DPH1: variants seen among roughly 807,000 people sequenced by gnomAD.
The protein encoded by DPH1 is 2-(3-amino-3-carboxypropyl)histidine synthase subunit 1.
A neutral mutation model predicts 55.3 loss-of-function variants in DPH1; 59 were observed. The ratio of observed to expected loss-of-function variants is 1.07; its 90% confidence interval spans 0.87 to 1.33. DPH1 has a LOEUF of 1.33. Among genes scored for constraint, DPH1 ranks in the 40% most tolerant of loss-of-function variants. The pLI is 0.00. For missense variants in DPH1, 628 were observed against 584.8 expected (o/e 1.07, Z -0.76); for synonymous variants, 238 against 235.5 (o/e 1.01, Z -0.10).
rs1294206597 is a variant in DPH1 at position 2,041,584 on chromosome 17, G to A, written c.1190G>A (p.Arg397His). The A allele has an allele frequency of 1.9e-6, 3 of 1,609,860 alleles. No individual in the cohort carries two copies. The highest frequency in any genetic ancestry group is 1.1e-5 in the South Asian group (1 of 90,918). The stretch of plus-strand genomic sequence containing the variant: ...TGGACGGTGAACCACGGCCAGGACC[G>A]CCGTCCCCACGCCCCGGGCCGGCCC... ...GPWTVNHGQD[R>H]RPHAPGRPAR... is the part of the protein sequence containing the mutation. Residue 397 changes from arginine to histidine, a missense_variant, in exon 11 of 13, where the codon CGC becomes CAC. Transcript: ENST00000263083.
Position 2,040,594 on chromosome 17 carries a change from T to C in DPH1, c.996T>C (p.Pro332=), listed in dbSNP as rs2236375. Residue 332 remains proline, a synonymous_variant, in exon 9 of 13, where the codon CCT becomes CCC. Transcript: ENST00000263083. ...TCCCCAGCAAGCTTAGCCTACTTCC[T>C]GAGGTGGATGTGTGAGTATCTGCCT... ...EIFPSKLSLL[P]EVDVWVQVAC... 1,255,254 of 1,613,880 alleles carry C rather than the reference T, an allele frequency of 0.78. 489,700 individuals carry two copies. The highest frequency in any genetic ancestry group is 0.94 in the East Asian group (42,106 of 44,886).
In DPH1 at chr17:2,041,524, C is replaced by A. The variant is rs567642658; in HGVS notation, c.1130C>A (p.Pro377Gln). The A allele has an allele frequency of 1.9e-6, 3 of 1,612,932 alleles. No individual in the cohort carries two copies. The highest frequency in any genetic ancestry group is 1.7e-5 in the Admixed American group (1 of 59,906). ...LRDISWQQPY[P>Q]MDFYAGSSLG... is the part of the protein sequence containing the mutation. The stretch of plus-strand genomic sequence containing the variant: ...GACATTTCCTGGCAGCAGCCCTACC[C>A]GATGGACTTCTACGCTGGCAGCTCC... Residue 377 changes from proline to glutamine, a missense_variant, in exon 11 of 13, where the codon CCG becomes CAG. Pro to Gln is a moderately conservative substitution (Grantham distance 76). Coordinates refer to ENST00000263083, the MANE Select transcript of DPH1 (RefSeq NM_001383.6).
At chr17:2,032,731 G>C (rs2067347171) in intron 1 of DPH1, among the ~76,000 whole-genome samples, 1 of 152,154 alleles carries the variant, frequency 6.6e-6, no homozygotes, top group African/African-American at 2.4e-5. Flanking sequence ...TACAAGCAAA[G>C]GGTTTTTATT....
rs1243263031 is a variant in DPH1 at position 2,042,761 on chromosome 17, G to A, written c.*175G>A. On this transcript the variant is annotated 3_prime_UTR_variant, in exon 13 of 13. Coordinates refer to ENST00000263083, the MANE Select transcript of DPH1 (RefSeq NM_001383.6). ...CTGAACAGGCTGGGGCCTTTTGACG[G>A]CCTTCTTGGTTTCAGCCAAGGGGCT... is the stretch of plus-strand genomic sequence containing the variant. The A allele has an allele frequency of 1.1e-5, 17 of 1,607,584 alleles. No individual in the cohort carries two copies. The highest frequency in any genetic ancestry group is 3.3e-4 in the Middle Eastern group (2 of 6,010).
At chr17:2,040,856 T>C (rs2067507732) in intron 9 of DPH1, 1 of 625,698 alleles carries the variant, frequency 1.6e-6, no homozygotes, top group Non-Finnish European at 2.8e-6. Context: ...CTGTACCAGG[T>C]ACTAAATGTG....
In DPH1 at chr17:2,042,844, C is replaced by T; in HGVS notation, c.*258C>T. On this transcript the variant is annotated 3_prime_UTR_variant, in exon 13 of 13. Coordinates refer to ENST00000263083, the MANE Select transcript of DPH1 (RefSeq NM_001383.6). ...GGCAGGCGATCCCCGCTTCCCCTTG[C>T]CACGGTTTATCCTCTTGGTGTCTGG... is the stretch of plus-strand genomic sequence containing the variant. 1.2e-6 allele frequency: 2 copies of T among 1,614,160 alleles called. No individual in the cohort carries two copies. The highest frequency in any genetic ancestry group is 3.3e-5 in the Admixed American group (2 of 60,026).
At position 2,035,957 on chromosome 17, in the gene DPH1, CCT is replaced by C. The variant is rs774075418; in HGVS notation, c.279-12_279-11del. 126 of 1,613,626 alleles carry C rather than the reference CCT, an allele frequency of 7.8e-5. No individual in the cohort carries two copies. In the East Asian group the frequency reaches 2.4e-3, roughly 31 times the overall value. ...TGTCCCTGTCCCACCGTTCCCCGCC[CCT>C]GTGCCCGCAGGTTCACGGAGGCCGA... On this transcript the variant is annotated splice_polypyrimidine_tract_variant and intron_variant, in intron 3 of 12. Transcript: ENST00000263083.
In DPH1 at chr17:2,042,150, G is replaced by T. The variant is rs371008735; in HGVS notation, c.*18+275G>T. ...CGGGGCGCTGAGGAAGGCGCTGCGG[G>T]GTCGCGCCGAGCTCGTGTGCCTCAG... On this transcript the variant is annotated intron_variant, in intron 12 of 12. Coordinates refer to ENST00000263083, the MANE Select transcript of DPH1 (RefSeq NM_001383.6). The T allele has an allele frequency of 1.1e-5, 16 of 1,518,698 alleles. No homozygotes were observed. In the African/African-American group the frequency reaches 2.0e-4, roughly 19 times the overall value. The allele number at this position is 1,518,698 out of a possible 1,614,324, so 94.1% of individuals were successfully genotyped here.
In DPH1 at chr17:2,043,258, G is replaced by A; in HGVS notation, c.*672G>A. On this transcript the variant is annotated 3_prime_UTR_variant, in exon 13 of 13. Coordinates refer to ENST00000263083, the MANE Select transcript of DPH1 (RefSeq NM_001383.6). ...TCAATTCTTGAGACCCAAATTATAA[G>A]GGCCCTGCCCTGTACTGAAGAAAAG... The A allele has an allele frequency of 1.1e-6, 1 of 938,328 alleles. No homozygotes were observed. The highest frequency in any genetic ancestry group is 1.7e-5 in the South Asian group (1 of 59,710). 58.1% of individuals were successfully genotyped at this position (938,328 alleles called of 1,614,324 possible). A position where few individuals can be genotyped will look rare whatever the true frequency, so the allele number is the denominator to read the frequency against.
Position 2,036,216 on chromosome 17 carries a change from G to A in DPH1, c.400+125G>A. The A allele has an allele frequency of 6.8e-7, 1 of 1,463,556 alleles. No homozygotes were observed. The highest frequency in any genetic ancestry group is 1.4e-5 in the South Asian group (1 of 73,498). The allele number at this position is 1,463,556 out of a possible 1,614,324, so 90.7% of individuals were successfully genotyped here. On this transcript the variant is annotated intron_variant, in intron 4 of 12. Coordinates refer to ENST00000263083, the MANE Select transcript of DPH1 (RefSeq NM_001383.6). This position sits in a 1 kb window ranked among gnomAD's most constrained non-coding sequence, Gnocchi z 4.8. ...GACACAAGGTCCCTCCTGGTTTCTG[G>A]GGTGGCCTCTGCCTTCCCGCTCTGC... is the stretch of plus-strand genomic sequence containing the variant.
At chr17:2,040,444 C>T (rs2067499242) in intron 8 of DPH1, 61 bp from the exon 9 acceptor site, 2 of 1,613,590 alleles carry the variant, frequency 1.2e-6, no homozygotes, top group South Asian at 1.1e-5. Flanking sequence ...ACCAGTAGGC[C>T]ACAGGTTCAG....
chr17:2,041,559 T>C lies in DPH1; in HGVS notation c.1165T>C (p.Trp389Arg). The change falls in exon 11 of 13, where the codon TGG becomes CGG. Residue 389 changes from tryptophan (W) to arginine (R), a missense_variant. Physicochemically the swap from Trp to Arg is moderately radical, Grantham distance 101. Coordinates refer to ENST00000263083, the MANE Select transcript of DPH1 (RefSeq NM_001383.6). The part of the protein sequence containing the change: ...DFYAGSSLGP[W>R]TVNHGQDRRP... ...CTACGCTGGCAGCTCCTTGGGGCCC[T>C]GGACGGTGAACCACGGCCAGGACCG... is the stretch of plus-strand genomic sequence containing the variant. 1 of 1,611,970 alleles carries C rather than the reference T, an allele frequency of 6.2e-7. No homozygotes were observed. Among genetic ancestry groups the C allele is most frequent in the Non-Finnish European group, 8.5e-7 (1 of 1,179,372 alleles).
At chr17:2,037,047 A>G in intron 6 of DPH1, 91 bp downstream of exon 6, 1 of 1,520,014 alleles carries the variant, frequency 6.6e-7, no homozygotes, top group Non-Finnish European at 8.8e-7. Flanking sequence ...AAGAAACCAA[A>G]TCTAATGCTC....
chr17:2,043,103 G>A lies in DPH1; in HGVS notation c.*517G>A, dbSNP rs1307656470. 6.2e-7 allele frequency: 1 copy of A among 1,611,906 alleles called. No homozygotes were observed. Among genetic ancestry groups the A allele is most frequent in the African/African-American group, 1.3e-5 (1 of 74,890 alleles). ...AAGTTCTTGGACCAGTTTGCAGAGT[G>A]AAAGATCAAGAAATGTCTCTGCTCC... On this transcript the variant is annotated 3_prime_UTR_variant, in exon 13 of 13. Transcript: ENST00000263083.
In DPH1 at chr17:2,041,788, T is replaced by C. The variant is rs1290571999; in HGVS notation, c.1248T>C (p.Arg416=). The C allele has an allele frequency of 6.2e-7, 1 of 1,604,810 alleles. No homozygotes were observed. Among genetic ancestry groups the C allele is most frequent in the Admixed American group, 1.7e-5 (1 of 59,060 alleles). ...CTCAGGTGCAGGAGGGGTCCGCGCG[T>C]CCCCCTTCGGCCGTGGCTTGCGAGG... ...ARGKVQEGSA[R]PPSAVACEDC... Residue 416 remains arginine (R), a synonymous_variant, in exon 12 of 13, where the codon CGT becomes CGC. Transcript: ENST00000263083.
chr17:2,031,013 G>A (rs910589397), intron 1 of DPH1, among the ~76,000 whole-genome samples: 2 of 152,358 alleles, frequency 1.3e-5, no homozygotes, highest in African/African-American at 4.8e-5. Flanking sequence ...GGCCCTAGCA[G>A]AAGTTGTGGC....
rs2067577999 is a variant in DPH1, at chr17:2,043,167, G to A, written c.*581G>A. On this transcript the variant is annotated 3_prime_UTR_variant, in exon 13 of 13. Transcript: ENST00000263083. Reference sequence around the variant, plus strand: ...TCTAGGGGCAGCCTCCGTCATCCATGCCCTCCCAGGACCCTCCACTCACTG... The same window carrying A: ...TCTAGGGGCAGCCTCCGTCATCCATACCCTCCCAGGACCCTCCACTCACTG... 1 of 1,550,620 alleles carries A rather than the reference G, an allele frequency of 6.4e-7. No homozygotes were observed. The highest frequency in any genetic ancestry group is 1.2e-5 in the South Asian group (1 of 84,020).
Position 2,036,598 on chromosome 17 carries a change from C to T in DPH1, c.470C>T (p.Thr157Ile), listed in dbSNP as rs116911386. The change falls in exon 5 of 13, where the codon ACA (threonine) becomes ATA (isoleucine). Residue 157 changes from threonine to isoleucine, a missense_variant. Physicochemically the swap from Thr to Ile is moderately conservative, Grantham distance 89. Coordinates refer to ENST00000263083, the MANE Select transcript of DPH1 (RefSeq NM_001383.6). The surrounding 1 kb of genome is among the most constrained non-coding windows in gnomAD (Gnocchi z 4.8). Reference sequence around the variant, plus strand: ...TTTGTGGACATCCGGATAGACACTACACACCTCCTGGACTCTCTCCGCCTC... The same window carrying T: ...TTTGTGGACATCCGGATAGACACTATACACCTCCTGGACTCTCTCCGCCTC... The part of the protein sequence containing the change: ...YVFVDIRIDT[T>I]HLLDSLRLTF... The T allele has an allele frequency of 6.6e-3, 10,699 of 1,614,134 alleles. 51 individuals carry two copies. The highest frequency in any genetic ancestry group is 0.011 in the Middle Eastern group (65 of 6,062).
chr17:2,042,597 CGCTGTAGGGTCCT>C lies in DPH1; in HGVS notation c.*19-5_*26del. On this transcript the variant is annotated splice_acceptor_variant and splice_polypyrimidine_tract_variant and 3_prime_UTR_variant and intron_variant, in exon 13 of 13. Transcript: ENST00000263083. LOFTEE classifies it low-confidence loss of function (3UTR_SPLICE). ...CTAATCCCATCCTTTTTCCTCATAT[CGCTGTAGGGTCCT>C]GCCCTCCGGAGGAGCAGCCTCGAGG... 1 of 1,510,462 alleles carries C rather than the reference CGCTGTAGGGTCCT, an allele frequency of 6.6e-7. No homozygotes were observed. Among genetic ancestry groups the C allele is most frequent in the Non-Finnish European group, 8.8e-7 (1 of 1,131,382 alleles). The allele number at this position is 1,510,462 out of a possible 1,614,324, so 93.6% of individuals were successfully genotyped here.
Sources: allele counts gnomAD v4.1 joint callset (sites outside exome capture counted in the v4.1 genomes callset), GRCh38; gene constraint gnomAD v4.1.1; non-coding constraint Gnocchi (gnomAD v3.1); transcripts MANE v1.5; gene names NCBI Gene and HGNC (gene_info 2026-07-23, HGNC 2026-07-21).